CNST: variants seen among roughly 807,000 people sequenced by gnomAD.
The protein encoded by CNST is consortin.
Under a neutral mutation model 72.4 loss-of-function variants are expected in CNST, and 39 were observed. The observed-to-expected ratio is 0.54, with a 90% CI of 0.42 to 0.70. The LOEUF (loss-of-function observed/expected upper bound fraction) is 0.70, where lower values mean the gene tolerates loss of function less well. Ranked by LOEUF, CNST falls within the 30% of genes least tolerant of loss-of-function variation. The pLI, the probability that CNST is intolerant of heterozygous loss-of-function variation, is 0.00. For synonymous variants in CNST, 332 were observed against 320.1 expected, an observed-to-expected ratio of 1.04 and a Z score of -0.40; for missense variants, 871 against 868.5, an observed-to-expected ratio of 1.00 and a Z score of -0.04.
At chr1:246,585,176 G>A (rs764029226) in intron 1 of CNST, among the ~76,000 whole-genome samples, 55 of 152,122 alleles carry the variant, frequency 3.6e-4, no homozygotes, top group Non-Finnish European at 6.0e-4. Flanking sequence ...GGAAGACCTC[G>A]AACTCTGGTT....
Position 246,568,008 on chromosome 1 carries a change from AAC to A in CNST, c.-52+1348_-52+1349del, listed in dbSNP as rs1285534749. Reference sequence around the variant, plus strand: ...GTTGAATTTCTGACTTTTTAAAAAAAACACTGTGGTGGCTGGGTATGGTAGTT... The same window carrying A: ...GTTGAATTTCTGACTTTTTAAAAAAAACTGTGGTGGCTGGGTATGGTAGTT... On this transcript the variant is annotated intron_variant, in intron 1 of 10. Transcript: ENST00000366513. 3.3e-5 allele frequency among the ~76,000 whole-genome samples: 5 copies of A among 152,324 alleles called. No homozygotes were observed. The East Asian group carries it at 7.7e-4, about 23-fold the overall frequency.
chr1:246,639,963 G>T (rs899220176), intron 6 of CNST, among the ~76,000 whole-genome samples: 1 of 152,152 alleles, frequency 6.6e-6, no homozygotes, highest in Non-Finnish European at 1.5e-5. Context: ...CGTGTCTTCC[G>T]GCCAGCCCTC....
At chr1:246,599,367 T>C (rs2103036194) in intron 2 of CNST, among the ~76,000 whole-genome samples, 1 of 152,312 alleles carries the variant, frequency 6.6e-6, no homozygotes, top group Middle Eastern at 3.4e-3. Context: ...CAGGGCTGTG[T>C]CCCTTTCTGG....
chr1:246,630,140 G>T (rs1009045044), intron 3 of CNST, among the ~76,000 whole-genome samples: 4 of 152,152 alleles, frequency 2.6e-5, no homozygotes, highest in African/African-American at 7.2e-5. Flanking sequence ...CCATCACATT[G>T]GTAGCTTGAC....
chr1:246,643,914 A>G (rs1160253005), intron 8 of CNST, among the ~76,000 whole-genome samples: 3 of 152,116 alleles, frequency 2.0e-5, no homozygotes, highest in African/African-American at 4.8e-5. Context: ...TTTTCAGGCT[A>G]TTTTGTAAAT....
chr1:246,585,682 C>T (rs866499504), intron 1 of CNST, among the ~76,000 whole-genome samples: 2,699 of 131,572 alleles, frequency 0.021, 216 homozygotes, highest in African/African-American at 0.083. Flanking sequence ...CACACACACA[C>T]ACACACACAC....
At chr1:246,645,427 T>TTA (rs1553384187) in intron 8 of CNST, among the ~76,000 whole-genome samples, 34 of 73,412 alleles carry the variant, frequency 4.6e-4, no homozygotes, top group African/African-American at 1.5e-3. Flanking sequence ...GTTAAAACTT[T>TTA]TTTTTTTTTT....
chr1:246,604,679 ATTATT>A (rs1466114174), intron 2 of CNST, among the ~76,000 whole-genome samples: 1 of 150,682 alleles, frequency 6.6e-6, no homozygotes, highest in African/African-American at 2.5e-5. Context: ...ATTTATTGTT[ATTATT>A]TTGAGTTGCA....
intron 1 of CNST, among the ~76,000 whole-genome samples, chr1:246,586,792 A>G (rs1158291265): frequency 6.6e-6 from 1 of 152,160 alleles, no homozygotes; most frequent in African/African-American, 2.4e-5. Flanking sequence ...TACATTGTAC[A>G]TATTTGGAAA....
At chr1:246,624,163 T>G (rs1664270377) in intron 3 of CNST, among the ~76,000 whole-genome samples, 1 of 152,228 alleles carries the variant, frequency 6.6e-6, no homozygotes, top group South Asian at 2.1e-4. Flanking sequence ...GAAGAATGCC[T>G]TTGAGGAAAT....
intron 2 of CNST, 78 bp downstream of exon 2, chr1:246,592,019 T>G: frequency 8.7e-7 from 1 of 1,150,268 alleles, no homozygotes; most frequent in South Asian, 1.6e-5. Context: ...CTGTGTTTAC[T>G]GTCCTGCACC....
chr1:246,612,283 C>T (rs1008670571), intron 2 of CNST, among the ~76,000 whole-genome samples: 2 of 152,216 alleles, frequency 1.3e-5, no homozygotes, highest in African/African-American at 4.8e-5. Flanking sequence ...CTCACTGCAA[C>T]CTCCACCTCC....
At chr1:246,614,135 G>T (rs769913025) in intron 2 of CNST, among the ~76,000 whole-genome samples, 26 of 151,566 alleles carry the variant, frequency 1.7e-4, no homozygotes, top group Non-Finnish European at 2.7e-4. Context: ...GTTTTTTTTT[G>T]ATTATGGAAT....
intron 9 of CNST, among the ~76,000 whole-genome samples, chr1:246,650,527 T>C (rs1666388600): frequency 6.6e-6 from 1 of 152,188 alleles, no homozygotes; most frequent in Admixed American, 6.5e-5. Flanking sequence ...TAAAAATCAC[T>C]AATACTTAAT....
chr1:246,627,225 C>T lies in CNST; in HGVS notation c.586-4669C>T, dbSNP rs144532418. ...TGTCACTCCACTGTGCAAAGCCCTC[C>T]GATGGCTTCCCTTCTCATTTAGAAT... is the stretch of plus-strand genomic sequence containing the variant. On this transcript the variant is annotated intron_variant, in intron 3 of 10. Coordinates refer to ENST00000366513, the MANE Select transcript of CNST (RefSeq NM_152609.3). Among the ~76,000 whole-genome samples, 51 of 152,334 alleles carry T rather than the reference C, an allele frequency of 3.3e-4. No homozygotes were observed. In the East Asian group the frequency reaches 4.6e-3, roughly 14 times the overall value.
At chr1:246,569,389 C>T (rs1659925457) in intron 1 of CNST, among the ~76,000 whole-genome samples, 1 of 152,118 alleles carries the variant, frequency 6.6e-6, no homozygotes, top group Non-Finnish European at 1.5e-5. Context: ...TCACATGTAG[C>T]TAAATGTTAC....
intron 6 of CNST, among the ~76,000 whole-genome samples, chr1:246,638,503 A>C (rs1025888454): frequency 2.3e-4 from 35 of 152,312 alleles, no homozygotes; most frequent in Non-Finnish European, 2.2e-4. Flanking sequence ...TTCTTTCCAG[A>C]TGGACAAGTG....
At chr1:246,635,224 T>A (rs970902079) in intron 6 of CNST, among the ~76,000 whole-genome samples, 1 of 151,372 alleles carries the variant, frequency 6.6e-6, no homozygotes, top group Non-Finnish European at 1.5e-5. Context: ...AAAGAAAAAA[T>A]TTTGGCGTAT....
At chr1:246,624,453 A>G (rs1054541627) in intron 3 of CNST, among the ~76,000 whole-genome samples, 8 of 152,272 alleles carry the variant, frequency 5.3e-5, no homozygotes, top group African/African-American at 1.9e-4. Flanking sequence ...TGTTTGACGT[A>G]CAGTAAAAGC....
Sources: gnomAD v4.1 joint callset for allele counts (sites outside exome capture counted in the v4.1 genomes callset) on GRCh38, gnomAD v4.1.1 for gene constraint, MANE v1.5 for transcripts, NCBI Gene and HGNC (gene_info 2026-07-23, HGNC 2026-07-21) for gene names.